KSR2: variants seen among roughly 807,000 people sequenced by gnomAD.
KSR2 encodes the protein kinase suppressor of ras 2.
Under a neutral mutation model 107.8 loss-of-function variants are expected in KSR2, and 25 were observed. That is an observed-to-expected ratio of 0.23 (90% confidence interval 0.17 to 0.32). The LOEUF (loss-of-function observed/expected upper bound fraction) is 0.32, where lower values mean the gene tolerates loss of function less well. KSR2 is among the 10% of genes least tolerant of loss of function. The pLI is 1.00. For synonymous variants in KSR2, 480 were observed against 507.0 expected (o/e 0.95, Z 0.71); for missense variants, 887 against 1,268.9 (o/e 0.70, Z 4.57).
chr12:117,671,347 G>A (rs909139386), intron 4 of KSR2, among the ~76,000 whole-genome samples: 1 of 152,196 alleles, frequency 6.6e-6, no homozygotes, highest in African/African-American at 2.4e-5. Context: ...TAGATAGATA[G>A]ATAGATAGAC....
intron 6 of KSR2, among the ~76,000 whole-genome samples, chr12:117,581,291 T>C (rs1272378612): frequency 6.6e-6 from 1 of 152,116 alleles, no homozygotes; most frequent in Non-Finnish European, 1.5e-5. Flanking sequence ...CATACTGTCA[T>C]GGTCTGTTAA....
Position 117,555,268 on chromosome 12 carries a change from C to T in KSR2, c.1419G>A (p.Glu473=), listed in dbSNP as rs748874242. ...GGTTGTTGATGTCACACGGAACGGACTCTGTCCGGACTAACCTTGCTGGAT... is the reference window on the plus strand; with the variant it reads ...GGTTGTTGATGTCACACGGAACGGATTCTGTCCGGACTAACCTTGCTGGAT... ...RGDPARLVRT[E]SVPCDINNPL... is the part of the protein sequence containing the mutation. Residue 473 remains glutamate (E), a synonymous_variant, in exon 9 of 20, where the codon GAG becomes GAA. Transcript: ENST00000339824. 1.2e-5 allele frequency: 20 copies of T among 1,613,820 alleles called. No individual in the cohort carries two copies. The highest frequency in any genetic ancestry group is 1.7e-5 in the Non-Finnish European group (20 of 1,179,872).
At chr12:117,885,288 G>A (rs1046231506) in intron 1 of KSR2, among the ~76,000 whole-genome samples, 5 of 152,164 alleles carry the variant, frequency 3.3e-5, no homozygotes, top group African/African-American at 9.7e-5. Context: ...AAGGCATGAC[G>A]CCAAGCACTT....
chr12:117,765,764 C>T (rs748174049), intron 3 of KSR2, among the ~76,000 whole-genome samples: 3 of 152,044 alleles, frequency 2.0e-5, no homozygotes, highest in African/African-American at 7.2e-5. Flanking sequence ...CTATTTTAAT[C>T]GCAAAAGGAT....
At chr12:117,888,319 CA>C (rs1425587651) in intron 1 of KSR2, among the ~76,000 whole-genome samples, 2 of 152,088 alleles carry the variant, frequency 1.3e-5, no homozygotes, top group Non-Finnish European at 2.9e-5. Flanking sequence ...CACCATATAT[CA>C]AAAGTATGCT....
intron 10 of KSR2, among the ~76,000 whole-genome samples, chr12:117,533,318 C>A (rs901328869): frequency 3.3e-5 from 5 of 152,216 alleles, no homozygotes; most frequent in Non-Finnish European, 7.3e-5. Context: ...GTAAGTCCTA[C>A]TATCTCAGGA....
intron 1 of KSR2, among the ~76,000 whole-genome samples, chr12:117,924,593 A>AAAAG (rs1210710160): frequency 4.4e-4 from 66 of 149,554 alleles, no homozygotes; most frequent in East Asian, 1.6e-3. Flanking sequence ...AAAAAAAAAA[A>AAAAG]AAAGAAAGAA....
chr12:117,952,911 G>A (rs1896403508), intron 1 of KSR2, among the ~76,000 whole-genome samples: 1 of 151,144 alleles, frequency 6.6e-6, no homozygotes, highest in South Asian at 2.1e-4. Context: ...CTTGAACCTG[G>A]GAGGCAGAGG....
chr12:117,532,786 T>C (rs946791169), intron 10 of KSR2, among the ~76,000 whole-genome samples: 1 of 152,000 alleles, frequency 6.6e-6, no homozygotes, highest in African/African-American at 2.4e-5. Flanking sequence ...CCAAGCGGTG[T>C]TGGGGGCAGG....
At chr12:117,554,365 C>T (rs921326096) in intron 9 of KSR2, among the ~76,000 whole-genome samples, 6 of 152,144 alleles carry the variant, frequency 3.9e-5, no homozygotes, top group Non-Finnish European at 7.4e-5. Context: ...AAAACCCACC[C>T]ATCCAGCCCC....
chr12:117,575,763 C>T (rs1879247417), intron 7 of KSR2, among the ~76,000 whole-genome samples: 1 of 152,198 alleles, frequency 6.6e-6, no homozygotes, highest in African/African-American at 2.4e-5. Flanking sequence ...CTCTTATATG[C>T]CAGGAGTCAT....
intron 10 of KSR2, among the ~76,000 whole-genome samples, 164 bp from the exon 11 acceptor site, chr12:117,531,871 A>G (rs1392116577): frequency 1.3e-5 from 2 of 152,126 alleles, no homozygotes; most frequent in Non-Finnish European, 2.9e-5. Context: ...AAACATGTGT[A>G]AAGAAACCAG....
chr12:117,687,498 A>C (rs530598428), intron 4 of KSR2, among the ~76,000 whole-genome samples: 37 of 152,316 alleles, frequency 2.4e-4, no homozygotes, highest in African/African-American at 8.9e-4. Flanking sequence ...ATTTGGGATC[A>C]AACAGTATAG....
At chr12:117,531,040 A>G (rs79395177) in intron 11 of KSR2, 27 bp from the exon 12 acceptor site, 1 of 1,594,880 alleles carries the variant, frequency 6.3e-7, no homozygotes, top group African/African-American at 1.3e-5. Flanking sequence ...GAACACTCAG[A>G]AAAAAAATGT....
At chr12:117,864,832 T>G (rs1423943337) in intron 1 of KSR2, among the ~76,000 whole-genome samples, 1 of 152,166 alleles carries the variant, frequency 6.6e-6, no homozygotes, top group Non-Finnish European at 1.5e-5. Flanking sequence ...TCTAAACTAA[T>G]TACATCTGCA....
intron 7 of KSR2, among the ~76,000 whole-genome samples, chr12:117,567,559 C>G (rs1878584870): frequency 6.6e-6 from 1 of 151,042 alleles, no homozygotes; most frequent in African/African-American, 2.4e-5. Flanking sequence ...CAGAAACTTG[C>G]AATTAAAGGG....
intron 3 of KSR2, among the ~76,000 whole-genome samples, chr12:117,803,809 G>A (rs1310925350): frequency 6.6e-6 from 1 of 152,002 alleles, no homozygotes; most frequent in Non-Finnish European, 1.5e-5. Context: ...ACAAACTTGA[G>A]AGGCTGGGCC....
chr12:117,860,183 G>A, intron 2 of KSR2, 108 bp downstream of exon 2: 1 of 1,136,668 alleles, frequency 8.8e-7, no homozygotes, highest in Non-Finnish European at 1.2e-6. Context: ...AGCCTGCTAT[G>A]TGCCAGGGAC....
intron 5 of KSR2, among the ~76,000 whole-genome samples, chr12:117,642,498 G>A (rs575026915): frequency 7.5e-4 from 114 of 152,296 alleles, no homozygotes; most frequent in African/African-American, 2.6e-3. Context: ...CAAGGTAAAC[G>A]TACCTGTCCC....
Sources: gnomAD v4.1 joint callset for allele counts (sites outside exome capture counted in the v4.1 genomes callset) on GRCh38, gnomAD v4.1.1 for gene constraint, MANE v1.5 for transcripts, NCBI Gene and HGNC (gene_info 2026-07-23, HGNC 2026-07-21) for gene names.